TP63: variants seen among roughly 807,000 people sequenced by gnomAD.
TP63 encodes tumor protein p63.
A neutral mutation model predicts 82.8 loss-of-function variants in TP63; 17 were observed. That is an observed-to-expected ratio of 0.21 (90% CI 0.14 to 0.31). The LOEUF is 0.31. TP63 is among the 10% of genes least tolerant of loss of function. TP63 has a pLI of 1.00. For synonymous variants in TP63, 330 were observed against 321.7 expected (o/e 1.03, Z -0.28); for missense variants, 648 against 895.3 (o/e 0.72, Z 3.52).
At chr3:189,693,300 G>A (rs1260137633) in intron 1 of TP63, among the ~76,000 whole-genome samples, 1 of 152,144 alleles carries the variant, frequency 6.6e-6, no homozygotes, top group Non-Finnish European at 1.5e-5. Flanking sequence ...ATCCATTGAA[G>A]GTTAGCTACT....
chr3:189,812,369 A>G (rs997078768), intron 4 of TP63, among the ~76,000 whole-genome samples: 2 of 152,218 alleles, frequency 1.3e-5, no homozygotes, highest in East Asian at 1.9e-4. Flanking sequence ...TTTCACACAC[A>G]CATACATACA....
chr3:189,744,550 C>A (rs184710763), intron 3 of TP63, among the ~76,000 whole-genome samples: 59 of 152,302 alleles, frequency 3.9e-4, no homozygotes, highest in African/African-American at 1.4e-3. Context: ...CTGGTCACGC[C>A]CACCCAACCA....
intron 1 of TP63, among the ~76,000 whole-genome samples, chr3:189,699,431 G>A (rs1717636604): frequency 6.6e-6 from 1 of 152,100 alleles, no homozygotes; most frequent in African/African-American, 2.4e-5. Flanking sequence ...TTAAAAGTTT[G>A]GACATATTTT....
At position 189,894,421 on chromosome 3, in the gene TP63, C is replaced by G. The variant is rs2108874525; in HGVS notation, c.1962C>G (p.Pro654=). ...TCCGCCAGACCATCTCTTTCCCACC[C>G]CGAGATGAGTGGAATGACTTCAACT... ...FTLRQTISFP[P]RDEWNDFNFD... is the part of the protein sequence containing the mutation. Residue 654 remains proline (P), a synonymous_variant, in exon 14 of 14, where the codon CCC becomes CCG. Transcript: ENST00000264731. 1 of 1,614,100 alleles carries G rather than the reference C, an allele frequency of 6.2e-7. No individual in the cohort carries two copies. The highest frequency in any genetic ancestry group is 8.5e-7 in the Non-Finnish European group (1 of 1,180,016).
At chr3:189,745,708 C>CAAA (rs71298529) in intron 3 of TP63, among the ~76,000 whole-genome samples, 359 of 17,714 alleles carry the variant, frequency 0.02, 25 homozygotes, top group African/African-American at 0.047. Flanking sequence ...AACTCCATCT[C>CAAA]AAAAAAAAAA....
At chr3:189,824,692 A>G (rs1729150804) in intron 4 of TP63, among the ~76,000 whole-genome samples, 2 of 152,166 alleles carry the variant, frequency 1.3e-5, no homozygotes, top group South Asian at 2.1e-4. Context: ...ATCACAAGCC[A>G]TACTTACTCA....
chr3:189,872,411 A>ACG (rs1718538982), intron 9 of TP63, among the ~76,000 whole-genome samples: 1 of 150,374 alleles, frequency 6.7e-6, no homozygotes, highest in Admixed American at 6.6e-5. Flanking sequence ...ACACACACAC[A>ACG]CACACACACA....
At position 189,808,430 on chromosome 3, in the gene TP63, A is replaced by G. The variant is rs1386454299; in HGVS notation, c.483A>G (p.Pro161=). The G allele has an allele frequency of 1.2e-6, 2 of 1,613,956 alleles. No individual in the cohort carries two copies. Among genetic ancestry groups the G allele is most frequent in the Non-Finnish European group, 8.5e-7 (1 of 1,179,988 alleles). ...GCTCCACCTTCGATGCTCTCTCTCC[A>G]TCACCCGCCATCCCCTCCAACACCG... is the stretch of plus-strand genomic sequence containing the variant. ...QPSSTFDALS[P]SPAIPSNTDY... The change falls in exon 4 of 14, where the codon CCA becomes CCG. Residue 161 remains proline (P), a synonymous_variant. Coordinates refer to ENST00000264731, the MANE Select transcript of TP63 (RefSeq NM_003722.5).
At chr3:189,743,493 TACAAAC>T (rs1721146593) in intron 3 of TP63, among the ~76,000 whole-genome samples, 1 of 144,944 alleles carries the variant, frequency 6.9e-6, no homozygotes, top group African/African-American at 2.6e-5. Context: ...AATAAGTACC[TACAAAC>T]ACAAACACAC....
intron 1 of TP63, among the ~76,000 whole-genome samples, chr3:189,724,002 G>C (rs921675421): frequency 1.6e-4 from 21 of 132,502 alleles, no homozygotes; most frequent in Admixed American, 4.6e-4. Flanking sequence ...TTTTGTGCCT[G>C]GCTTTCATTT....
chr3:189,768,672 C>T (rs927828592), intron 3 of TP63, among the ~76,000 whole-genome samples: 4 of 152,074 alleles, frequency 2.6e-5, no homozygotes, highest in Non-Finnish European at 5.9e-5. Context: ...CAATATCTCC[C>T]GCTGTACATT....
intron 1 of TP63, among the ~76,000 whole-genome samples, chr3:189,677,380 T>TTATATATTTATATGTAAA (rs1715517562): frequency 8.1e-6 from 1 of 123,072 alleles, no homozygotes; most frequent in Non-Finnish European, 1.7e-5. Flanking sequence ...ATGTAAATAA[T>TTATATATTTATATGTAAA]TATATATAAA....
At chr3:189,722,330 T>A (rs1719451981) in intron 1 of TP63, among the ~76,000 whole-genome samples, 1 of 152,164 alleles carries the variant, frequency 6.6e-6, no homozygotes, top group Non-Finnish European at 1.5e-5. Flanking sequence ...GGAAAAATAA[T>A]AAGGGAGCAG....
rs1278952314 is a variant in TP63 at position 189,895,279 on chromosome 3, T to C, written c.*777T>C. On this transcript the variant is annotated 3_prime_UTR_variant, in exon 14 of 14. Coordinates refer to ENST00000264731, the MANE Select transcript of TP63 (RefSeq NM_003722.5). ...TCCAAACGTCCTCTTTAGTTTTTGG[T>C]TGGGAATGAGGAAAATTCTTAAAAG... 6 of 221,406 alleles carry C rather than the reference T, an allele frequency of 2.7e-5. No homozygotes were observed. The highest frequency in any genetic ancestry group is 1.1e-4 in the African/African-American group (5 of 44,702). 13.7% of individuals were successfully genotyped at this position (221,406 alleles called of 1,614,324 possible). A position where few individuals can be genotyped will look rare whatever the true frequency, so the allele number is the denominator to read the frequency against.
chr3:189,834,652 A>G (rs902903921), intron 4 of TP63, among the ~76,000 whole-genome samples: 9 of 152,188 alleles, frequency 5.9e-5, no homozygotes, highest in Admixed American at 6.5e-5. Flanking sequence ...TGGGTTCCCA[A>G]ACTTGCAGGT....
rs141847552 is a variant in TP63, at chr3:189,889,419, C to T, written c.1587C>T (p.Leu529=). The part of the protein sequence containing the change: ...LSPTQALPPP[L]SMPSTSHCTP... Reference sequence around the variant, plus strand: ...CCACCCAGGCACTCCCTCCCCCACTCTCCATGCCATCCACCTCCCACTGCA... The same window carrying T: ...CCACCCAGGCACTCCCTCCCCCACTTTCCATGCCATCCACCTCCCACTGCA... Residue 529 remains leucine, a synonymous_variant, in exon 12 of 14, where the codon CTC becomes CTT. Transcript: ENST00000264731. The T allele has an allele frequency of 1.2e-3, 1,891 of 1,614,112 alleles. 2 individuals carry two copies. Among genetic ancestry groups the T allele is most frequent in the Non-Finnish European group, 1.2e-3 (1,406 of 1,180,002 alleles).
In TP63 at chr3:189,829,450, A is replaced by G. The variant is rs35063546; in HGVS notation, c.579+20924A>G. On this transcript the variant is annotated intron_variant, in intron 4 of 13. Transcript: ENST00000264731. ...TCTACTTTCCCTATATGTCTACTGG[A>G]TTATTTGTCTCAGATCTTAGGGGAG... Among the ~76,000 whole-genome samples, 1,508 of 152,330 alleles carry G rather than the reference A, an allele frequency of 9.9e-3. 14 individuals carry two copies. Among genetic ancestry groups the G allele is most frequent in the Non-Finnish European group, 0.013 (870 of 68,016 alleles).
intron 3 of TP63, among the ~76,000 whole-genome samples, chr3:189,770,985 C>G (rs1000839316): frequency 2.6e-5 from 4 of 151,990 alleles, no homozygotes; most frequent in Non-Finnish European, 4.4e-5. Flanking sequence ...ATTACCCTTG[C>G]TCCTCACAAC....
chr3:189,867,895 G>T lies in TP63; in HGVS notation c.945G>T (p.Gly315=). 6.2e-7 allele frequency: 1 copy of T among 1,614,124 alleles called. No individual in the cohort carries two copies. Among genetic ancestry groups the T allele is most frequent in the Non-Finnish European group, 8.5e-7 (1 of 1,179,978 alleles). Residue 315 remains glycine, a synonymous_variant, in exon 7 of 14, where the codon GGG becomes GGT. Coordinates refer to ENST00000264731, the MANE Select transcript of TP63 (RefSeq NM_003722.5). ...NFMCNSSCVG[G]MNRRPILIIV... Reference sequence around the variant, plus strand: ...TGTGTAACAGCAGTTGTGTTGGAGGGATGAACCGCCGTCCAATTTTAATCA... The same window carrying T: ...TGTGTAACAGCAGTTGTGTTGGAGGTATGAACCGCCGTCCAATTTTAATCA...
Sources: gnomAD v4.1 joint callset for allele counts (sites outside exome capture counted in the v4.1 genomes callset) on GRCh38, gnomAD v4.1.1 for gene constraint, MANE v1.5 for transcripts, NCBI Gene and HGNC (gene_info 2026-07-23, HGNC 2026-07-21) for gene names.